Variants in BTRC observed in about 807,000 individuals in gnomAD.
BTRC encodes the protein F-box/WD repeat-containing protein 1A.
BTRC carries 42 observed loss-of-function variants against 85.5 expected under a neutral mutation model. That is an observed-to-expected ratio of 0.49 (90% CI 0.38 to 0.64). The LOEUF (loss-of-function observed/expected upper bound fraction) is 0.64. BTRC is among the 30% of genes least tolerant of loss of function. BTRC has a pLI of 0.00. For missense variants in BTRC, 594 were observed against 743.5 expected (o/e 0.80, Z 2.34); for synonymous variants, 255 against 263.3 (o/e 0.97, Z 0.30).
chr10:101,509,463 C>G (rs965139541), intron 4 of BTRC, among the ~76,000 whole-genome samples: 1 of 149,168 alleles, frequency 6.7e-6, no homozygotes, highest in Non-Finnish European at 1.5e-5. Context: ...ACCGTTTTAG[C>G]CGGGATGGTC....
chr10:101,484,615 T>C (rs762351265), intron 4 of BTRC, among the ~76,000 whole-genome samples: 2 of 152,222 alleles, frequency 1.3e-5, no homozygotes, highest in Non-Finnish European at 2.9e-5. Context: ...TTCTTTAAGA[T>C]ACTGTTCCAC....
intron 2 of BTRC, among the ~76,000 whole-genome samples, chr10:101,436,796 G>T (rs1166191234): frequency 6.6e-6 from 1 of 152,088 alleles, no homozygotes; most frequent in Non-Finnish European, 1.5e-5. Flanking sequence ...AAATTGTATT[G>T]AATTCAGGAG....
At chr10:101,394,930 A>G (rs1007874549) in intron 1 of BTRC, among the ~76,000 whole-genome samples, 2 of 152,184 alleles carry the variant, frequency 1.3e-5, no homozygotes, top group African/African-American at 4.8e-5. Context: ...CATAGCAGTT[A>G]CCAAGAATGC....
rs1216760749 is a variant in BTRC, at chr10:101,396,597, A to T, written c.49-33748A>T. Among the ~76,000 whole-genome samples the T allele has an allele frequency of 2.0e-5, 3 of 151,950 alleles. No individual in the cohort carries two copies. In the South Asian group the frequency reaches 6.2e-4, roughly 32 times the overall value. ...TGGTATAGAACTATTTTCATTTTTG[A>T]TCTACTTAGGACAGGTATTAATGGA... On this transcript the variant is annotated intron_variant, in intron 1 of 14. Coordinates refer to ENST00000370187, the MANE Select transcript of BTRC (RefSeq NM_033637.4).
At chr10:101,406,180 CTT>C (rs1203668650) in intron 1 of BTRC, among the ~76,000 whole-genome samples, 8 of 143,960 alleles carry the variant, frequency 5.6e-5, no homozygotes, top group Non-Finnish European at 4.6e-5. Context: ...ACTGCTTATA[CTT>C]TTTTTTTTTT....
At chr10:101,544,568 G>A (rs530034263) in intron 13 of BTRC, among the ~76,000 whole-genome samples, 1 of 151,994 alleles carries the variant, frequency 6.6e-6, no homozygotes, top group East Asian at 1.9e-4. Flanking sequence ...ACCATATCTG[G>A]CTAATTTTCT....
intron 2 of BTRC, among the ~76,000 whole-genome samples, chr10:101,442,889 C>CTTTTTTTT (rs755689728): frequency 2.5e-5 from 3 of 122,374 alleles, no homozygotes; most frequent in Non-Finnish European, 3.3e-5. Context: ...CTCACTTGCT[C>CTTTTTTTT]TTTTTTTTTT....
Position 101,358,962 on chromosome 10 carries a change from G to T in BTRC, c.48+4734G>T, listed in dbSNP as rs1221715982. Among the ~76,000 whole-genome samples, 3 of 152,188 alleles carry T rather than the reference G, an allele frequency of 2.0e-5. No homozygotes were observed. The East Asian group carries it at 5.8e-4, about 29-fold the overall frequency. On this transcript the variant is annotated intron_variant, in intron 1 of 14. Transcript: ENST00000370187. ...ACTTGCTACCGTAGGTGCTATGCTA[G>T]TTGGATGTTAAGGCTAAAAATAAAA...
At chr10:101,393,947 T>C (rs1008760921) in intron 1 of BTRC, among the ~76,000 whole-genome samples, 4 of 152,230 alleles carry the variant, frequency 2.6e-5, no homozygotes, top group African/African-American at 7.2e-5. Context: ...GCATAGCCAG[T>C]GTAATGCAGA....
rs559739815 is a variant in BTRC at position 101,530,784 on chromosome 10, A to T, written c.744-453A>T. 4.6e-5 allele frequency among the ~76,000 whole-genome samples: 7 copies of T among 152,358 alleles called. No individual in the cohort carries two copies. The South Asian group carries it at 1.4e-3, about 32-fold the overall frequency. On this transcript the variant is annotated intron_variant, in intron 6 of 14. Coordinates refer to ENST00000370187, the MANE Select transcript of BTRC (RefSeq NM_033637.4). ...TTACTCTTTGACATGGGACTCCTGA[A>T]ATCAGGCTTACCTTTGCTCCTCCGC...
chr10:101,519,005 AAATC>A (rs1249160010), intron 4 of BTRC, among the ~76,000 whole-genome samples: 2 of 151,750 alleles, frequency 1.3e-5, no homozygotes, highest in East Asian at 3.9e-4. Flanking sequence ...CTCAAGGCTT[AAATC>A]AATCAAGGTG....
chr10:101,375,868 G>A (rs1038104874), intron 1 of BTRC, among the ~76,000 whole-genome samples: 3 of 152,212 alleles, frequency 2.0e-5, no homozygotes, highest in African/African-American at 7.2e-5. Flanking sequence ...TCTGATGCTG[G>A]TGTTTCTCAG....
intron 1 of BTRC, among the ~76,000 whole-genome samples, chr10:101,423,185 A>T (rs901199001): frequency 1.3e-5 from 2 of 152,086 alleles, no homozygotes; most frequent in African/African-American, 4.8e-5. Flanking sequence ...AAGTGGTGGG[A>T]TTATACACAT....
intron 13 of BTRC, among the ~76,000 whole-genome samples, chr10:101,543,868 AC>A (rs1386502521): frequency 5.3e-5 from 8 of 152,110 alleles, no homozygotes; most frequent in Non-Finnish European, 1.0e-4. Context: ...TCCCCACAGC[AC>A]TTGTTATTTT....
chr10:101,501,868 C>G (rs968275099), intron 4 of BTRC, among the ~76,000 whole-genome samples: 1 of 152,064 alleles, frequency 6.6e-6, no homozygotes, highest in Non-Finnish European at 1.5e-5. Flanking sequence ...TATTACAACC[C>G]CTCTTCCCAG....
intron 2 of BTRC, among the ~76,000 whole-genome samples, chr10:101,438,355 G>A (rs1345094363): frequency 4.4e-5 from 6 of 137,238 alleles, no homozygotes; most frequent in African/African-American, 1.7e-4. Flanking sequence ...AACCCGGGAG[G>A]CAGAGCTTGC....
chr10:101,368,519 G>T (rs1942541259), intron 1 of BTRC, among the ~76,000 whole-genome samples: 1 of 122,856 alleles, frequency 8.1e-6, no homozygotes, highest in Non-Finnish European at 1.6e-5. Context: ...TCACTCTGTT[G>T]CCCAGGCCGG....
At chr10:101,548,091 C>A (rs1321315713) in intron 13 of BTRC, among the ~76,000 whole-genome samples, 1 of 152,160 alleles carries the variant, frequency 6.6e-6, no homozygotes, top group Non-Finnish European at 1.5e-5. Flanking sequence ...TTGGTAATAT[C>A]AATTTTTGGT....
At chr10:101,494,746 G>A in intron 4 of BTRC, among the ~76,000 whole-genome samples, 1 of 152,108 alleles carries the variant, frequency 6.6e-6, no homozygotes, top group South Asian at 2.1e-4. Flanking sequence ...TGTATTTCTG[G>A]CTGCATTCCC....
Sources: gnomAD v4.1 joint callset for allele counts (sites outside exome capture counted in the v4.1 genomes callset) on GRCh38, gnomAD v4.1.1 for gene constraint, MANE v1.5 for transcripts, NCBI Gene and HGNC (gene_info 2026-07-23, HGNC 2026-07-21) for gene names.